TLN2: variants seen among roughly 807,000 people sequenced by gnomAD.
The protein encoded by TLN2 is talin 2.
TLN2 carries 118 observed loss-of-function variants against 294.7 expected under a neutral mutation model. The ratio of observed to expected loss-of-function variants is 0.40; its 90% CI spans 0.34 to 0.47. TLN2 has a LOEUF of 0.47. TLN2 is among the 20% of genes least tolerant of loss of function. The pLI is 0.84. For missense variants in TLN2, 3,083 were observed against 3,282.2 expected (o/e 0.94, Z 1.48); for synonymous variants, 1,431 against 1,304.5 (o/e 1.10, Z -2.09).
chr15:62,497,705 T>G (rs1398513506), intron 1 of TLN2, among the ~76,000 whole-genome samples: 1 of 152,216 alleles, frequency 6.6e-6, no homozygotes, highest in Non-Finnish European at 1.5e-5. Context: ...TGCTGAGAGA[T>G]TCTACATTTG....
At chr15:62,674,511 A>ATTTAT (rs1555465628) in intron 10 of TLN2, among the ~76,000 whole-genome samples, 1 of 143,452 alleles carries the variant, frequency 7.0e-6, no homozygotes, top group Non-Finnish European at 1.5e-5. Flanking sequence ...GGAAAACGAT[A>ATTTAT]TTTTTTTTTT....
chr15:62,507,173 G>A (rs1249849151), intron 1 of TLN2, among the ~76,000 whole-genome samples: 1 of 152,174 alleles, frequency 6.6e-6, no homozygotes, highest in Non-Finnish European at 1.5e-5. Context: ...AATGTGCTCA[G>A]ATAATTGCTT....
chr15:62,753,551 T>G (rs1466383816), intron 35 of TLN2, among the ~76,000 whole-genome samples: 1 of 152,202 alleles, frequency 6.6e-6, no homozygotes, highest in African/African-American at 2.4e-5. Context: ...ACAAGGACAC[T>G]TTGTTCCATG....
At chr15:62,596,608 C>T (rs1018444815) in intron 2 of TLN2, among the ~76,000 whole-genome samples, 17 of 151,528 alleles carry the variant, frequency 1.1e-4, no homozygotes, top group African/African-American at 3.9e-4. Context: ...CATGATGGTG[C>T]GTGCCTGCAG....
intron 1 of TLN2, among the ~76,000 whole-genome samples, chr15:62,576,033 T>C (rs1283346001): frequency 6.6e-6 from 1 of 152,204 alleles, no homozygotes; most frequent in African/African-American, 2.4e-5. Context: ...GTTTTGACTC[T>C]TGGTCTGCAG....
chr15:62,536,844 T>A (rs964606667), intron 1 of TLN2, among the ~76,000 whole-genome samples: 1 of 152,250 alleles, frequency 6.6e-6, no homozygotes, highest in Non-Finnish European at 1.5e-5. Flanking sequence ...TATTTTGATA[T>A]GTGTCATTAT....
intron 1 of TLN2, among the ~76,000 whole-genome samples, chr15:62,478,539 C>A (rs575415933): frequency 6.6e-6 from 1 of 152,114 alleles, no homozygotes; most frequent in Admixed American, 6.5e-5. Flanking sequence ...GACTTCTTGT[C>A]TACCTCTGCC....
chr15:62,464,353 CAT>C (rs1159180995), intron 1 of TLN2, among the ~76,000 whole-genome samples: 1 of 152,114 alleles, frequency 6.6e-6, no homozygotes. Context: ...TGTTCTCACT[CAT>C]AGGTGGGAAT....
chr15:62,499,168 A>G (rs1410808321), intron 1 of TLN2, among the ~76,000 whole-genome samples: 2 of 152,136 alleles, frequency 1.3e-5, no homozygotes, highest in Non-Finnish European at 2.9e-5. Flanking sequence ...ATTACAAAAC[A>G]TTGACTAGAG....
At chr15:62,418,446 T>G (rs1210575413) in intron 1 of TLN2, among the ~76,000 whole-genome samples, 1 of 152,252 alleles carries the variant, frequency 6.6e-6, no homozygotes, top group Non-Finnish European at 1.5e-5. Flanking sequence ...CTGTTGTCAC[T>G]GCCCAGAATG....
intron 1 of TLN2, among the ~76,000 whole-genome samples, chr15:62,560,984 T>G (rs2042911984): frequency 6.6e-6 from 1 of 152,232 alleles, no homozygotes; most frequent in Non-Finnish European, 1.5e-5. Flanking sequence ...GCCTTTCCAT[T>G]TGTACAGAAT....
intron 45 of TLN2, 126 bp from the exon 46 acceptor site, chr15:62,792,515 C>T (rs2065144527): frequency 1.0e-5 from 13 of 1,304,836 alleles, no homozygotes; most frequent in Non-Finnish European, 1.3e-5. Context: ...ACACAGACTC[C>T]TAATAGGAGT....
At chr15:62,829,411 C>CAACA (rs2068548999) in intron 54 of TLN2, 1 of 151,944 alleles carries the variant, frequency 6.6e-6, no homozygotes, top group Admixed American at 6.6e-5. Context: ...TTTATAAAAC[C>CAACA]AACAGATCTC....
At chr15:62,543,342 T>C (rs1477067974) in intron 1 of TLN2, among the ~76,000 whole-genome samples, 1 of 152,230 alleles carries the variant, frequency 6.6e-6, no homozygotes, top group Non-Finnish European at 1.5e-5. Flanking sequence ...GTACCTACTA[T>C]GCCAAGCTCT....
intron 54 of TLN2, chr15:62,828,393 G>GAGA (rs926704834): frequency 6.6e-6 from 1 of 152,238 alleles, no homozygotes; most frequent in African/African-American, 2.4e-5. Context: ...TATATCAAAG[G>GAGA]AGAAGTTAAT....
At chr15:62,614,473 A>G (rs1282984528) in intron 2 of TLN2, among the ~76,000 whole-genome samples, 5 of 152,148 alleles carry the variant, frequency 3.3e-5, no homozygotes, top group Non-Finnish European at 5.9e-5. Flanking sequence ...GTATATCTAA[A>G]TGGCCCTCTA....
intron 42 of TLN2, among the ~76,000 whole-genome samples, chr15:62,775,413 G>C (rs767460206): frequency 6.6e-6 from 1 of 152,150 alleles, no homozygotes; most frequent in African/African-American, 2.4e-5. Context: ...TACCATGTCT[G>C]TGCCGTGAAA....
intron 28 of TLN2, among the ~76,000 whole-genome samples, chr15:62,732,385 C>G (rs1277849808): frequency 6.6e-6 from 1 of 151,848 alleles, no homozygotes; most frequent in South Asian, 2.1e-4. Flanking sequence ...ATGTATGATG[C>G]CTTAAAGATG....
chr15:62,531,122 C>G (rs979805940), intron 1 of TLN2, among the ~76,000 whole-genome samples: 5 of 152,164 alleles, frequency 3.3e-5, no homozygotes, highest in African/African-American at 9.6e-5. Flanking sequence ...GAGATCTCTA[C>G]TCTCATGCTC....
Sources: allele counts gnomAD v4.1 joint callset (sites outside exome capture counted in the v4.1 genomes callset), GRCh38; gene constraint gnomAD v4.1.1; transcripts MANE v1.5; gene names NCBI Gene and HGNC (gene_info 2026-07-23, HGNC 2026-07-21).